The following ZNF665 variants were observed in gnomAD, a reference collection of about 807,000 sequenced individuals.
ZNF665 encodes zinc finger protein 665.
Under a neutral mutation model 7.9 loss-of-function variants are expected in ZNF665, and 6 were observed. That is an observed-to-expected ratio of 0.76 (90% CI 0.42 to 1.50). The LOEUF (loss-of-function observed/expected upper bound fraction) is 1.50, where lower values mean the gene tolerates loss of function less well. ZNF665 is among the 40% of genes most tolerant of loss of function. ZNF665 has a pLI of 0.01. For synonymous variants in ZNF665, 242 were observed against 274.5 expected (o/e 0.88, Z 1.17); for missense variants, 819 against 806.7 (o/e 1.02, Z -0.18).
At chr19:53,175,657 A>G in intron 2 of ZNF665, 86 bp from the exon 3 acceptor site, 1 of 1,477,926 alleles carries the variant, frequency 6.8e-7, no homozygotes, top group Non-Finnish European at 9.1e-7. Context: ...AGCTGTAAGA[A>G]TAGGTTCAAT....
At chr19:53,173,748 A>G (rs1477658574) in intron 3 of ZNF665, among the ~76,000 whole-genome samples, 1 of 152,124 alleles carries the variant, frequency 6.6e-6, no homozygotes, top group East Asian at 1.9e-4. Flanking sequence ...TTTAATTACT[A>G]TATCTTCATA....
intron 3 of ZNF665, among the ~76,000 whole-genome samples, chr19:53,171,524 A>ATATATTTTT (rs372855271): frequency 2.0e-3 from 139 of 69,326 alleles, no homozygotes; most frequent in African/African-American, 5.7e-3. Flanking sequence ...ATATATATAT[A>ATATATTTTT]TTTTTTTTTT....
Position 53,165,111 on chromosome 19 carries a change from C to G in ZNF665, c.1379G>C (p.Cys460Ser), listed in dbSNP as rs376400731. 2 of 1,613,898 alleles carry G rather than the reference C, an allele frequency of 1.2e-6. No individual in the cohort carries two copies. Among genetic ancestry groups the G allele is most frequent in the Admixed American group, 1.7e-5 (1 of 59,970 alleles). ...AIHTGEKPYKCNDCGKVFTQN... is the reference protein window; with the variant it reads ...AIHTGEKPYKSNDCGKVFTQN... Reference sequence around the variant, plus strand: ...TGTGAAGACCTTACCGCAGTCATTACATTTGTAAGGCTTTTCTCCAGTATG... The same window carrying G: ...TGTGAAGACCTTACCGCAGTCATTAGATTTGTAAGGCTTTTCTCCAGTATG... Residue 460 changes from cysteine to serine, a missense_variant, in exon 4 of 4, where the codon TGT becomes TCT. Cys to Ser is a moderately radical substitution (Grantham distance 112, BLOSUM62 -1). Coordinates refer to ENST00000396424, the MANE Select transcript of ZNF665 (RefSeq NM_024733.5).
rs138088577 is a variant in ZNF665, at chr19:53,170,631, C to A, written c.143-4284G>T. ...AGACAGAACTTCCTTCTTTTAAAGG[C>A]TACACAGTGTTCCATCATTTTCTTT... On this transcript the variant is annotated intron_variant, in intron 3 of 3. Coordinates refer to ENST00000396424, the MANE Select transcript of ZNF665 (RefSeq NM_024733.5). 4.1e-3 allele frequency among the ~76,000 whole-genome samples: 625 copies of A among 152,346 alleles called. 6 individuals carry two copies. Among genetic ancestry groups the A allele is most frequent in the African/African-American group, 0.015 (606 of 41,582 alleles).
chr19:53,183,946 C>T (rs759273620), intron 1 of ZNF665, among the ~76,000 whole-genome samples: 8 of 152,180 alleles, frequency 5.3e-5, no homozygotes, highest in Admixed American at 3.3e-4. Context: ...AGTTTTTCTC[C>T]CACACCTCCA....
chr19:53,180,792 G>C (rs2090732673), intron 2 of ZNF665: 1 of 152,036 alleles, frequency 6.6e-6, no homozygotes, highest in Admixed American at 6.6e-5. Flanking sequence ...GTAAGAACTT[G>C]TACTCCAATT....
chr19:53,173,365 T>C lies in ZNF665; in HGVS notation c.142+2080A>G, dbSNP rs547747415. Among the ~76,000 whole-genome samples the C allele has an allele frequency of 3.1e-3, 449 of 145,318 alleles. 1 individual carries two copies. The highest frequency in any genetic ancestry group is 5.2e-3 in the Non-Finnish European group (351 of 67,180). ...CTGGCCATATATCCATCATTTTTTT[T>C]TTCACTCTTTTTTTTTTTTTTTTTT... is the stretch of plus-strand genomic sequence containing the variant. On this transcript the variant is annotated intron_variant, in intron 3 of 3. Transcript: ENST00000396424.
chr19:53,192,507 T>C (rs2146900247), intron 1 of ZNF665, among the ~76,000 whole-genome samples: 1 of 152,342 alleles, frequency 6.6e-6, no homozygotes, highest in South Asian at 2.1e-4. Flanking sequence ...TTCTCCATCC[T>C]GTTACTTTCT....
Position 53,171,524 on chromosome 19 carries a change from ATTTTT to A in ZNF665, c.142+3916_142+3920del, listed in dbSNP as rs1215685651. Among the ~76,000 whole-genome samples, 5 of 69,318 alleles carry A rather than the reference ATTTTT, an allele frequency of 7.2e-5. No homozygotes were observed. In the Admixed American group the frequency reaches 8.9e-4, roughly 12 times the overall value. The allele number at this position is 69,318 out of a possible 152,430, so 45.5% of individuals were successfully genotyped here. A position where few individuals can be genotyped will look rare whatever the true frequency, so the allele number is the denominator to read the frequency against. On this transcript the variant is annotated intron_variant, in intron 3 of 3. Coordinates refer to ENST00000396424, the MANE Select transcript of ZNF665 (RefSeq NM_024733.5). ...TGTGTGTATATATATATATATATAT[ATTTTT>A]TTTTTTTTTTTCTTTTTTTAGACGG...
chr19:53,175,713 C>T (rs1599877952), intron 2 of ZNF665, 142 bp from the exon 3 acceptor site: 1 of 915,232 alleles, frequency 1.1e-6, no homozygotes, highest in Non-Finnish European at 1.6e-6. Flanking sequence ...ACGGTACATA[C>T]AGATTTGATC....
chr19:53,177,505 C>T (rs182853864), intron 2 of ZNF665, among the ~76,000 whole-genome samples: 2 of 151,772 alleles, frequency 1.3e-5, no homozygotes, highest in Non-Finnish European at 2.9e-5. Flanking sequence ...CAAGATTGTG[C>T]CACTGCACTC....
chr19:53,191,471 C>T (rs530849735), intron 1 of ZNF665, among the ~76,000 whole-genome samples: 3 of 152,302 alleles, frequency 2.0e-5, no homozygotes, highest in African/African-American at 7.2e-5. Context: ...ATAAAATGCA[C>T]ATGTCTTATA....
At position 53,163,636 on chromosome 19, in the gene ZNF665, A is replaced by G. The variant is rs1388477304; in HGVS notation, c.*817T>C. 1.3e-5 allele frequency: 2 copies of G among 152,248 alleles called. No individual in the cohort carries two copies. The highest frequency in any genetic ancestry group is 2.9e-5 in the Non-Finnish European group (2 of 68,048). 9.4% of individuals were successfully genotyped at this position (152,248 alleles called of 1,614,324 possible). On this transcript the variant is annotated 3_prime_UTR_variant, in exon 4 of 4. Coordinates refer to ENST00000396424, the MANE Select transcript of ZNF665 (RefSeq NM_024733.5). ...CATTGCAAAGTTCTGGTTGGAAGTT[A>G]TAAATAGTAGCCTTTTCAATAAATC...
At position 53,162,852 on chromosome 19, in the gene ZNF665, CAA is replaced by C. The variant is rs146693184; in HGVS notation, c.*1599_*1600del. On this transcript the variant is annotated 3_prime_UTR_variant, in exon 4 of 4. Transcript: ENST00000396424. ...TGGGCAACAGAACAAGACTCCATCTCAAAAAAAAAAAAAAAAATCAATCTTTG... is the reference window on the plus strand; with the variant it reads ...TGGGCAACAGAACAAGACTCCATCTCAAAAAAAAAAAAAAATCAATCTTTG... 0.037 allele frequency: 4,781 copies of C among 129,546 alleles called. 196 individuals carry two copies. The highest frequency in any genetic ancestry group is 0.11 in the African/African-American group (3,791 of 33,498). The allele number at this position is 129,546 out of a possible 1,614,324, so 8.0% of individuals were successfully genotyped here. A position where few individuals can be genotyped will look rare whatever the true frequency, so the allele number is the denominator to read the frequency against.
intron 2 of ZNF665, chr19:53,179,445 C>A (rs993544277): frequency 1.9e-4 from 26 of 136,206 alleles, no homozygotes; most frequent in African/African-American, 5.1e-4. Context: ...AAATTTATTT[C>A]TTTTTTTTGT....
rs1453529410 is a variant in ZNF665, at chr19:53,167,784, C to T, written c.143-1437G>A. Among the ~76,000 whole-genome samples, 12 of 146,210 alleles carry T rather than the reference C, an allele frequency of 8.2e-5. No homozygotes were observed. In the East Asian group the frequency reaches 1.1e-3, roughly 13 times the overall value. On this transcript the variant is annotated intron_variant, in intron 3 of 3. Coordinates refer to ENST00000396424, the MANE Select transcript of ZNF665 (RefSeq NM_024733.5). Reference sequence around the variant, plus strand: ...GAGAAAAGAGGAGTCTGCCGGGCGCCGGTGGCTCCCGCCTGTAATCCCAGC... The same window carrying T: ...GAGAAAAGAGGAGTCTGCCGGGCGCTGGTGGCTCCCGCCTGTAATCCCAGC...
At chr19:53,189,523 G>C (rs1159669626) in intron 1 of ZNF665, among the ~76,000 whole-genome samples, 3 of 147,144 alleles carry the variant, frequency 2.0e-5, no homozygotes, top group Non-Finnish European at 3.0e-5. Flanking sequence ...AGAGGAGACA[G>C]AGAGAAAGAC....
intron 2 of ZNF665, chr19:53,182,512 A>G (rs1233025389): frequency 1.3e-5 from 8 of 627,928 alleles, no homozygotes; most frequent in Admixed American, 4.7e-5. Context: ...GCTTGTACAC[A>G]CTAACATCTG....
Position 53,188,363 on chromosome 19 carries a change from C to A in ZNF665, c.-46+4949G>T, listed in dbSNP as rs527365434. 5.8e-3 allele frequency among the ~76,000 whole-genome samples: 13 copies of A among 2,258 alleles called. 3 individuals are homozygous for A. In the South Asian group the frequency reaches 0.062, roughly 11 times the overall value. The allele number at this position is 2,258 out of a possible 152,430, so 1.5% of individuals were successfully genotyped here. Reference sequence around the variant, plus strand: ...GAGGCCGAGGCTGGCGGATCACTCGCGGCTAGGAGCTGGAGACCAGCCCGG... The same window carrying A: ...GAGGCCGAGGCTGGCGGATCACTCGAGGCTAGGAGCTGGAGACCAGCCCGG... On this transcript the variant is annotated intron_variant, in intron 1 of 3. Transcript: ENST00000396424.
Sources: allele counts gnomAD v4.1 joint callset (sites outside exome capture counted in the v4.1 genomes callset), GRCh38; gene constraint gnomAD v4.1.1; transcripts MANE v1.5; gene names NCBI Gene and HGNC (gene_info 2026-07-23, HGNC 2026-07-21).